The following PRDM15 variants were observed in gnomAD, a reference collection of about 807,000 sequenced individuals.
The protein encoded by PRDM15 is PR/SET domain 15, also known as PR domain zinc finger protein 15.
In PRDM15, 64 loss-of-function variants were observed where a neutral mutation model predicts 128.6. The observed-to-expected ratio is 0.50, with a 90% CI of 0.41 to 0.61. PRDM15 has a LOEUF of 0.61. Among genes scored for constraint, PRDM15 ranks in the 20% least tolerant of loss-of-function variants. The pLI is 0.00. For missense variants in PRDM15, 1,242 were observed against 1,569.1 expected (o/e 0.79, Z 3.52); for synonymous variants, 615 against 621.8 (o/e 0.99, Z 0.16).
At chr21:41,858,450 A>G (rs897922042) in intron 3 of PRDM15, among the ~76,000 whole-genome samples, 1 of 151,632 alleles carries the variant, frequency 6.6e-6, no homozygotes, top group African/African-American at 2.4e-5. Flanking sequence ...AGAGGCGGAC[A>G]TGGGGTGCCC....
intron 5 of PRDM15, among the ~76,000 whole-genome samples, chr21:41,849,439 T>C (rs1008473416): frequency 1.3e-5 from 2 of 152,012 alleles, no homozygotes; most frequent in African/African-American, 4.8e-5. Flanking sequence ...CGTGGTGGCA[T>C]GCGCCTGTAA....
At chr21:41,837,802 T>G (rs1476754823) in intron 8 of PRDM15, 132 bp downstream of exon 8, 2 of 811,240 alleles carry the variant, frequency 2.5e-6, no homozygotes, top group African/African-American at 3.4e-5. Flanking sequence ...TCCTGCTGCC[T>G]CCTCAGCAGG....
chr21:41,878,069 C>T (rs146441086), intron 1 of PRDM15, among the ~76,000 whole-genome samples: 57 of 152,350 alleles, frequency 3.7e-4, no homozygotes, highest in Non-Finnish European at 6.2e-4. Context: ...CCACCCTTAT[C>T]GAGTGTTGAC....
chr21:41,844,442 CACACACACACACACACAG>C (rs2063169609), intron 6 of PRDM15, among the ~76,000 whole-genome samples: 2 of 124,320 alleles, frequency 1.6e-5, no homozygotes, highest in African/African-American at 3.1e-5. Flanking sequence ...CACACACACA[CACACACACACACACACAG>C]AGCCCCTCCC....
chr21:41,806,858 CACT>C (rs2061693126), intron 21 of PRDM15, among the ~76,000 whole-genome samples: 1 of 148,906 alleles, frequency 6.7e-6, no homozygotes, highest in African/African-American at 2.5e-5. Context: ...CCACCATCAC[CACT>C]ACCACCGCCA....
chr21:41,871,312 A>C, intron 1 of PRDM15, among the ~76,000 whole-genome samples: 2 of 149,028 alleles, frequency 1.3e-5, no homozygotes, highest in African/African-American at 2.5e-5. Context: ...TGTTTGGGGG[A>C]CTCTCTTTGG....
At chr21:41,876,504 C>T (rs11203192) in intron 1 of PRDM15, among the ~76,000 whole-genome samples, 19,486 of 152,198 alleles carry the variant, frequency 0.13, 1,393 homozygotes, top group African/African-American at 0.2. Flanking sequence ...GAGGCTCCCG[C>T]AGCTGCTGCA....
Position 41,879,177 on chromosome 21 carries a change from GGCGCGCCGGGGCTCGCGGGGGCAGC to G in PRDM15, c.-10+68_-10+92del, listed in dbSNP as rs2064548872. The stretch of plus-strand genomic sequence containing the variant: ...GGGGGGCGGGGGGCAGCGGGCCCAG[GGCGCGCCGGGGCTCGCGGGGGCAGC>G]GGGTGCGGCCCGGGGCCGGCGGGGC... On this transcript the variant is annotated intron_variant, in intron 1 of 23. Transcript: ENST00000398548. The surrounding 1 kb of genome is among the most constrained non-coding windows in gnomAD (Gnocchi z 5.1). The G allele has an allele frequency of 1.2e-6, 1 of 851,542 alleles. No homozygotes were observed. Among genetic ancestry groups the G allele is most frequent in the Non-Finnish European group, 1.4e-6 (1 of 707,302 alleles). 52.7% of individuals were successfully genotyped at this position (851,542 alleles called of 1,614,324 possible). A position where few individuals can be genotyped will look rare whatever the true frequency, so the allele number is the denominator to read the frequency against.
At chr21:41,835,002 G>A (rs1450643224) in intron 11 of PRDM15, among the ~76,000 whole-genome samples, 3 of 152,192 alleles carry the variant, frequency 2.0e-5, no homozygotes, top group African/African-American at 7.2e-5. Flanking sequence ...GGACGCCGCA[G>A]GAGATGTGGA....
At chr21:41,820,277 G>C in intron 16 of PRDM15, 103 bp from the exon 17 acceptor site, 1 of 812,300 alleles carries the variant, frequency 1.2e-6, no homozygotes, top group South Asian at 1.5e-5. Flanking sequence ...AGGCAACAAG[G>C]TGCCACGGGG....
chr21:41,850,066 T>C (rs573735645), intron 5 of PRDM15, among the ~76,000 whole-genome samples: 29 of 152,234 alleles, frequency 1.9e-4, no homozygotes, highest in Non-Finnish European at 3.4e-4. Context: ...GTGTTTGTAT[T>C]TTACTCTTTT....
chr21:41,818,018 G>C (rs1390159482), intron 18 of PRDM15, among the ~76,000 whole-genome samples: 1 of 152,258 alleles, frequency 6.6e-6, no homozygotes, highest in Non-Finnish European at 1.5e-5. Flanking sequence ...AGGGGACCCA[G>C]GTGTGGCTCC....
rs2062286123 is a variant in PRDM15 at position 41,821,929 on chromosome 21, G to A, written c.1870C>T (p.His624Tyr). Residue 624 changes from histidine to tyrosine, a missense_variant, in exon 15 of 24, where the codon CAC becomes TAC. Around this residue, in one of 3 missense-constraint regions of PRDM15, gnomAD observed 602 missense variants for 788.3 expected, o/e 0.76. Transcript: ENST00000398548. The surrounding 1 kb of genome is among the most constrained non-coding windows in gnomAD (Gnocchi z 5.4). ...NSDESADSEP[H>Y]KYSCKRCQLT... Reference sequence around the variant, plus strand: ...TGGCACCGCTTGCAGCTGTACTTGTGAGGCTCCGAGTCTGCGCTCTCGTCA... The same window carrying A: ...TGGCACCGCTTGCAGCTGTACTTGTAAGGCTCCGAGTCTGCGCTCTCGTCA... 6.2e-7 allele frequency: 1 copy of A among 1,614,154 alleles called. No homozygotes were observed. The highest frequency in any genetic ancestry group is 8.5e-7 in the Non-Finnish European group (1 of 1,180,048).
In PRDM15 at chr21:41,821,722, C is replaced by A. The variant is rs1251644323; in HGVS notation, c.1896+181G>T. 6.6e-6 allele frequency among the ~76,000 whole-genome samples: 1 copy of A among 152,232 alleles called. No individual in the cohort carries two copies. ...GAGCACCAAGGTGACACAGGCTGGC[C>A]TTCCCAGGCACAAGTGATGGACAGG... is the stretch of plus-strand genomic sequence containing the variant. On this transcript the variant is annotated intron_variant, in intron 15 of 23. Coordinates refer to ENST00000398548, the MANE Select transcript of PRDM15 (RefSeq NM_001040424.3). The surrounding 1 kb of genome is among the most constrained non-coding windows in gnomAD (Gnocchi z 5.4).
intron 21 of PRDM15, among the ~76,000 whole-genome samples, chr21:41,805,163 G>A (rs1231781983): frequency 6.6e-6 from 1 of 152,164 alleles, no homozygotes; most frequent in East Asian, 1.9e-4. Context: ...GTGTCCACAG[G>A]GGCCCTCCCA....
intron 1 of PRDM15, among the ~76,000 whole-genome samples, chr21:41,878,034 T>C (rs1464511666): frequency 2.6e-5 from 4 of 152,250 alleles, no homozygotes; most frequent in Non-Finnish European, 5.9e-5. Context: ...AATACGGTAG[T>C]GGTGTGTGCA....
At chr21:41,834,472 C>T (rs1043830795) in intron 11 of PRDM15, 32 of 1,536,872 alleles carry the variant, frequency 2.1e-5, no homozygotes, top group East Asian at 2.4e-5. Context: ...ACAGAGCAGG[C>T]GGACAAGGAC....
At chr21:41,825,894 AGAG>A in intron 13 of PRDM15, 63 bp downstream of exon 13, 6 of 1,223,930 alleles carry the variant, frequency 4.9e-6, no homozygotes, top group Non-Finnish European at 4.8e-6. Flanking sequence ...TACAGCTCAT[AGAG>A]TCTTAACTGA....
At position 41,859,030 on chromosome 21, in the gene PRDM15, C is replaced by T. The variant is rs2063727695; in HGVS notation, c.131+562G>A. ...GAGAGGAGTGCCTTGTCCAAGCTCA[C>T]CTGCCCTGGGCCACCAGGTGGCACA... On this transcript the variant is annotated intron_variant, in intron 3 of 23. Transcript: ENST00000398548. This position sits in a 1 kb window ranked among gnomAD's most constrained non-coding sequence, Gnocchi z 5.3. The T allele has an allele frequency of 6.4e-7, 1 of 1,552,368 alleles. No individual in the cohort carries two copies. Among genetic ancestry groups the T allele is most frequent in the African/African-American group, 1.4e-5 (1 of 73,514 alleles).
Sources: gnomAD v4.1 joint callset for allele counts (sites outside exome capture counted in the v4.1 genomes callset) on GRCh38, gnomAD v4.1.1 for gene constraint, gnomAD v4.1.1 regional missense constraint, Gnocchi (gnomAD v3.1) non-coding constraint, MANE v1.5 for transcripts, NCBI Gene and HGNC (gene_info 2026-07-23, HGNC 2026-07-21) for gene names.